The following EXT1 variants were observed in gnomAD, a reference collection of about 807,000 sequenced individuals.
EXT1 encodes exostosin glycosyltransferase 1.
Under a neutral mutation model 82.5 loss-of-function variants are expected in EXT1, and 20 were observed. The ratio of observed to expected loss-of-function variants is 0.24; its 90% CI spans 0.17 to 0.35. EXT1 has a LOEUF of 0.35. EXT1 is among the 10% of genes least tolerant of loss of function. The probability of loss-of-function intolerance (pLI) is 1.00; values close to 1 mark genes in which losing one functional copy is unlikely to be tolerated. For missense variants in EXT1, 757 were observed against 936.5 expected, an observed-to-expected ratio of 0.81 and a Z score of 2.50; for synonymous variants, 348 against 350.8, an observed-to-expected ratio of 0.99 and a Z score of 0.09.
Position 117,837,215 on chromosome 8 carries a change from A to C in EXT1, c.963-14T>G, listed in dbSNP as rs367759458. The C allele has an allele frequency of 2.3e-5, 37 of 1,597,686 alleles. No individual in the cohort carries two copies. Among genetic ancestry groups the C allele is most frequent in the Non-Finnish European group, 3.1e-5 (36 of 1,165,296 alleles). ...CGATAATCATACCTAGAAAGAGAAG[A>C]GGAGTAAACAGCAAATGAAGACTCA... On this transcript the variant is annotated splice_polypyrimidine_tract_variant and intron_variant, in intron 1 of 10. Coordinates refer to ENST00000378204, the MANE Select transcript of EXT1 (RefSeq NM_000127.3).
chr8:118,053,133 T>A (rs1240773361), intron 1 of EXT1, among the ~76,000 whole-genome samples: 2 of 152,190 alleles, frequency 1.3e-5, no homozygotes, highest in South Asian at 2.1e-4. Context: ...TCTAAAATAA[T>A]CTGTTGTAAA....
At chr8:117,936,062 A>C (rs1035717659) in intron 1 of EXT1, among the ~76,000 whole-genome samples, 6 of 152,214 alleles carry the variant, frequency 3.9e-5, no homozygotes, top group Non-Finnish European at 8.8e-5. Context: ...GCATTTGGAA[A>C]ACTGGACAAA....
chr8:117,824,096 G>C (rs955276455), intron 4 of EXT1, among the ~76,000 whole-genome samples: 3 of 149,802 alleles, frequency 2.0e-5, no homozygotes, highest in Middle Eastern at 6.8e-3. Flanking sequence ...TTTCTCTTTA[G>C]ATCCTCCTTT....
At chr8:117,844,161 T>TTATTA (rs869271378) in intron 1 of EXT1, among the ~76,000 whole-genome samples, 3 of 149,562 alleles carry the variant, frequency 2.0e-5, no homozygotes, top group African/African-American at 7.3e-5. Flanking sequence ...ATTATTATTA[T>TTATTA]TATTATTTTG....
intron 1 of EXT1, among the ~76,000 whole-genome samples, chr8:118,022,714 T>C (rs766902406): frequency 2.0e-5 from 3 of 152,112 alleles, no homozygotes; most frequent in South Asian, 2.1e-4. Flanking sequence ...ACAATGTCTA[T>C]AACTGTTGCT....
At chr8:117,962,009 G>T (rs894750494) in intron 1 of EXT1, among the ~76,000 whole-genome samples, 2 of 152,072 alleles carry the variant, frequency 1.3e-5, no homozygotes, top group African/African-American at 4.8e-5. Context: ...AATTAAGAAG[G>T]GTCAGTGCAG....
At chr8:117,842,811 G>A (rs1812293948) in intron 1 of EXT1, among the ~76,000 whole-genome samples, 1 of 152,180 alleles carries the variant, frequency 6.6e-6, no homozygotes, top group South Asian at 2.1e-4. Context: ...GGATGTTGCT[G>A]GTGCACTGTG....
chr8:117,840,562 A>C (rs1180394019), intron 1 of EXT1, among the ~76,000 whole-genome samples: 1 of 151,946 alleles, frequency 6.6e-6, no homozygotes, highest in East Asian at 1.9e-4. Context: ...CAGTGAGCCA[A>C]GATAGTGCCA....
At chr8:117,979,247 G>A (rs144347048) in intron 1 of EXT1, among the ~76,000 whole-genome samples, 3 of 151,888 alleles carry the variant, frequency 2.0e-5, no homozygotes, top group Admixed American at 6.6e-5. Context: ...CCAGCTACTC[G>A]GGAGGCTGAG....
At chr8:118,054,787 A>G (rs1188401033) in intron 1 of EXT1, among the ~76,000 whole-genome samples, 1 of 152,156 alleles carries the variant, frequency 6.6e-6, no homozygotes, top group Non-Finnish European at 1.5e-5. Flanking sequence ...CTCTCAAAGT[A>G]CCTGGAAGAA....
intron 1 of EXT1, among the ~76,000 whole-genome samples, chr8:117,875,129 G>A (rs1475403692): frequency 2.6e-5 from 4 of 152,112 alleles, no homozygotes; most frequent in Non-Finnish European, 5.9e-5. Context: ...TAAAGGTAGG[G>A]GATGGGGCCA....
intron 1 of EXT1, among the ~76,000 whole-genome samples, chr8:118,044,853 T>C (rs1314414751): frequency 6.6e-6 from 1 of 152,252 alleles, no homozygotes; most frequent in Non-Finnish European, 1.5e-5. Flanking sequence ...AAAGTTTTAT[T>C]GGAACATAGC....
intron 1 of EXT1, among the ~76,000 whole-genome samples, chr8:117,910,663 T>G (rs1363370319): frequency 6.6e-6 from 1 of 152,264 alleles, no homozygotes; most frequent in East Asian, 1.9e-4. Context: ...AGCCTGTCTC[T>G]GCTTCATATG....
intron 1 of EXT1, among the ~76,000 whole-genome samples, chr8:118,105,138 G>A (rs749289067): frequency 7.2e-5 from 11 of 152,200 alleles, no homozygotes; most frequent in Non-Finnish European, 1.2e-4. Flanking sequence ...AAAGCAGCCA[G>A]GCCCTACCAA....
rs1815070441 is a variant in EXT1, at chr8:117,976,599, G to C, written c.962+133486C>G. On this transcript the variant is annotated intron_variant, in intron 1 of 10. Coordinates refer to ENST00000378204, the MANE Select transcript of EXT1 (RefSeq NM_000127.3). Reference sequence around the variant, plus strand: ...ATTACTGACTGAGAGAATGCATGAGGGGTATTATTGGGTGCTAGAAATATT... The same window carrying C: ...ATTACTGACTGAGAGAATGCATGAGCGGTATTATTGGGTGCTAGAAATATT... Among the ~76,000 whole-genome samples, 3 of 152,180 alleles carry C rather than the reference G, an allele frequency of 2.0e-5. No homozygotes were observed. The South Asian group carries it at 6.2e-4, about 32-fold the overall frequency.
At chr8:117,886,350 GT>G (rs1477181792) in intron 1 of EXT1, among the ~76,000 whole-genome samples, 7 of 152,156 alleles carry the variant, frequency 4.6e-5, no homozygotes, top group African/African-American at 1.4e-4. Flanking sequence ...CCAGTGTTCT[GT>G]TAGTTTCTTT....
intron 1 of EXT1, among the ~76,000 whole-genome samples, chr8:118,099,912 C>G (rs1385908925): frequency 6.6e-6 from 1 of 152,134 alleles, no homozygotes; most frequent in Admixed American, 6.5e-5. Flanking sequence ...GCCAACTTCC[C>G]CTAACCACAG....
At chr8:117,886,636 T>C (rs965870108) in intron 1 of EXT1, among the ~76,000 whole-genome samples, 3 of 152,140 alleles carry the variant, frequency 2.0e-5, no homozygotes, top group African/African-American at 7.2e-5. Flanking sequence ...ACTTTAGAGA[T>C]AAAAACTAGA....
intron 1 of EXT1, among the ~76,000 whole-genome samples, chr8:118,046,003 C>T (rs575624295): frequency 1.6e-4 from 25 of 152,166 alleles, no homozygotes; most frequent in Admixed American, 7.8e-4. Flanking sequence ...ACCATGTTGG[C>T]CAGGCTGGTC....
Sources: gnomAD v4.1 joint callset for allele counts (sites outside exome capture counted in the v4.1 genomes callset) on GRCh38, gnomAD v4.1.1 for gene constraint, MANE v1.5 for transcripts, NCBI Gene and HGNC (gene_info 2026-07-23, HGNC 2026-07-21) for gene names.